RREB1: variants seen among roughly 807,000 people sequenced by gnomAD.
The protein encoded by RREB1 is ras-responsive element-binding protein 1.
Under a neutral mutation model 117.8 loss-of-function variants are expected in RREB1, and 27 were observed. That is an observed-to-expected ratio of 0.23 (90% CI 0.17 to 0.32). The LOEUF is 0.32. Ranked by LOEUF, RREB1 falls within the 10% of genes least tolerant of loss-of-function variation. The pLI is 1.00. For missense variants in RREB1, 2,577 were observed against 2,378.2 expected (o/e 1.08, Z -1.74); for synonymous variants, 1,298 against 1,026.7 (o/e 1.26, Z -5.05).
chr6:7,222,267 T>C (rs1458987390), intron 8 of RREB1, among the ~76,000 whole-genome samples: 2 of 152,240 alleles, frequency 1.3e-5, no homozygotes, highest in Non-Finnish European at 2.9e-5. Flanking sequence ...TTCTAGTTAT[T>C]CTGATTTCAG....
At chr6:7,187,176 C>CTG (rs1765127396) in intron 4 of RREB1, among the ~76,000 whole-genome samples, 1 of 152,224 alleles carries the variant, frequency 6.6e-6, no homozygotes, top group Non-Finnish European at 1.5e-5. Flanking sequence ...GATCCCAGCA[C>CTG]TGTTCTAGTG....
At chr6:7,187,708 T>C in intron 5 of RREB1, 185 bp downstream of exon 5, 1 of 304,240 alleles carries the variant, frequency 3.3e-6, no homozygotes, top group Non-Finnish European at 5.8e-6. Flanking sequence ...ATCTAAATTA[T>C]TCTTCCTTAA....
In RREB1 at chr6:7,189,280, C is replaced by T; in HGVS notation, c.383C>T (p.Thr128Ile). The change falls in exon 6 of 13, where the codon ACT (threonine) becomes ATT (isoleucine). Residue 128 changes from threonine to isoleucine, a missense_variant. Thr to Ile is a moderately conservative substitution (Grantham distance 89). Coordinates refer to ENST00000379938, the MANE Select transcript of RREB1 (RefSeq NM_001003699.4). ...VHSGERPYKC[T>I]VCGQSFTTNG... ...TCTGGCGAGAGGCCTTACAAGTGCA[C>T]TGTGTGTGGCCAGTCATTTACCACC... is the stretch of plus-strand genomic sequence containing the variant. 1 of 1,603,104 alleles carries T rather than the reference C, an allele frequency of 6.2e-7. No individual in the cohort carries two copies. The highest frequency in any genetic ancestry group is 8.5e-7 in the Non-Finnish European group (1 of 1,174,252).
chr6:7,175,375 G>C (rs546344986), intron 1 of RREB1, among the ~76,000 whole-genome samples: 2 of 151,896 alleles, frequency 1.3e-5, no homozygotes, highest in African/African-American at 2.4e-5. Context: ...GGTGGGATGG[G>C]GGGGGTATAA....
At chr6:7,131,682 C>T (rs577731780) in intron 1 of RREB1, among the ~76,000 whole-genome samples, 1 of 152,234 alleles carries the variant, frequency 6.6e-6, no homozygotes, top group Non-Finnish European at 1.5e-5. Context: ...GATAGCTTCT[C>T]GAACTCCTGG....
intron 1 of RREB1, among the ~76,000 whole-genome samples, chr6:7,173,744 C>G (rs968958068): frequency 6.6e-6 from 1 of 151,148 alleles, no homozygotes; most frequent in Non-Finnish European, 1.5e-5. Flanking sequence ...TCGCCTGAAC[C>G]AGGGAGGCAG....
chr6:7,248,032 A>G lies in RREB1; in HGVS notation c.4772-479A>G, dbSNP rs139810326. Among the ~76,000 whole-genome samples, 454 of 152,314 alleles carry G rather than the reference A, an allele frequency of 3.0e-3. 1 individual carries two copies. Among genetic ancestry groups the G allele is most frequent in the African/African-American group, 9.6e-3 (399 of 41,558 alleles). On this transcript the variant is annotated intron_variant, in intron 12 of 12. Coordinates refer to ENST00000379938, the MANE Select transcript of RREB1 (RefSeq NM_001003699.4). ...AGAAGAGGGATATTCTTGGGCTCCC[A>G]ACAAGCGTGGTGGGCCCTGCCCTGG...
At chr6:7,223,383 G>A (rs1767383438) in intron 8 of RREB1, among the ~76,000 whole-genome samples, 1 of 151,446 alleles carries the variant, frequency 6.6e-6, no homozygotes, top group East Asian at 1.9e-4. Flanking sequence ...CCAACATGGA[G>A]AAACCCCGTC....
At chr6:7,174,151 C>CTTTTTT (rs59106767) in intron 1 of RREB1, among the ~76,000 whole-genome samples, 44 of 131,056 alleles carry the variant, frequency 3.4e-4, no homozygotes, top group African/African-American at 1.1e-3. Context: ...CTAGTCTTTC[C>CTTTTTT]TTTTTTTTTT....
In RREB1 at chr6:7,230,760, G is replaced by C; in HGVS notation, c.2661G>C (p.Glu887Asp). ...PPPPHVSIKL[E>D]PASSFAVDFN... is the part of the protein sequence containing the mutation. ...CTCCCCATGTCTCGATCAAGTTGGA[G>C]CCCGCCAGTAGCTTTGCGGTGGACT... Residue 887 changes from glutamate to aspartate, a missense_variant, in exon 10 of 13, where the codon GAG becomes GAC. Transcript: ENST00000379938. 6.2e-7 allele frequency: 1 copy of C among 1,611,188 alleles called. No homozygotes were observed. The highest frequency in any genetic ancestry group is 1.3e-5 in the African/African-American group (1 of 75,006).
At chr6:7,156,499 C>T (rs924851453) in intron 1 of RREB1, among the ~76,000 whole-genome samples, 5 of 152,210 alleles carry the variant, frequency 3.3e-5, no homozygotes, top group Non-Finnish European at 5.9e-5. Flanking sequence ...TCCCTTGTGG[C>T]TCTCCCAGCC....
chr6:7,110,714 T>C (rs2113273205), intron 1 of RREB1, among the ~76,000 whole-genome samples: 1 of 152,376 alleles, frequency 6.6e-6, no homozygotes, highest in East Asian at 1.9e-4. Flanking sequence ...TTGTGCTCCA[T>C]TTTAGGTTAA....
rs1402080276 is a variant in RREB1, at chr6:7,249,085, G to C, written c.*117G>C. On this transcript the variant is annotated 3_prime_UTR_variant, in exon 13 of 13. Transcript: ENST00000379938. ...AGTGAGAGAGAGAGAGAGAGAGAGAGAGAGAGAGAGAGAGAGAGACAAGCA... is the reference window on the plus strand; with the variant it reads ...AGTGAGAGAGAGAGAGAGAGAGAGACAGAGAGAGAGAGAGAGAGACAAGCA... The C allele has an allele frequency of 1.3e-6, 1 of 793,100 alleles. No individual in the cohort carries two copies. Among genetic ancestry groups the C allele is most frequent in the Non-Finnish European group, 1.9e-6 (1 of 519,044 alleles). 49.1% of individuals were successfully genotyped at this position (793,100 alleles called of 1,614,324 possible). A position where few individuals can be genotyped will look rare whatever the true frequency, so the allele number is the denominator to read the frequency against.
intron 1 of RREB1, among the ~76,000 whole-genome samples, chr6:7,156,519 A>G (rs956850514): frequency 6.6e-6 from 1 of 152,198 alleles, no homozygotes; most frequent in African/African-American, 2.4e-5. Context: ...CACCTTCCGC[A>G]CTGAGCCACA....
Position 7,246,666 on chromosome 6 carries a change from G to A in RREB1, c.4216G>A (p.Ala1406Thr), listed in dbSNP as rs1487669452. 5.1e-6 allele frequency: 8 copies of A among 1,580,418 alleles called. No homozygotes were observed. The highest frequency in any genetic ancestry group is 4.6e-5 in the South Asian group (4 of 86,316). ...TEESTGDADG[A>T]EEDASSNQSL... is the part of the protein sequence containing the mutation. ...GGAGAGCACTGGGGACGCCGACGGC[G>A]CGGAAGAGGACGCGTCGAGCAACCA... is the stretch of plus-strand genomic sequence containing the variant. The change falls in exon 12 of 13, where the codon GCG (alanine) becomes ACG (threonine). Residue 1406 changes from alanine to threonine, a missense_variant. Physicochemically the swap from Ala to Thr is moderately conservative, Grantham distance 58 (BLOSUM62 0). Transcript: ENST00000379938.
At chr6:7,150,032 G>A (rs1763047541) in intron 1 of RREB1, among the ~76,000 whole-genome samples, 1 of 147,750 alleles carries the variant, frequency 6.8e-6, no homozygotes, top group Non-Finnish European at 1.5e-5. Context: ...AAGGTTATTT[G>A]CTAATTTTAT....
chr6:7,248,417 A>G (rs1769236999), intron 12 of RREB1, 94 bp from the exon 13 acceptor site: 1 of 1,118,682 alleles, frequency 8.9e-7, no homozygotes, highest in African/African-American at 1.5e-5. Context: ...CCCCCCGCAC[A>G]TAGCCTGGGA....
intron 1 of RREB1, among the ~76,000 whole-genome samples, chr6:7,124,253 T>C (rs368362121): frequency 1.2e-4 from 19 of 152,302 alleles, no homozygotes; most frequent in East Asian, 9.6e-4. Flanking sequence ...GTAGATGCTG[T>C]GTGGTCATGT....
rs139799223 is a variant in RREB1 at position 7,229,167 on chromosome 6, C to T, written c.1068C>T (p.Asp356=). ...EKPQATPLPG[D]ALDQKGFLAL... is the part of the protein sequence containing the mutation. Reference sequence around the variant, plus strand: ...CGCAGGCCACGCCCCTGCCTGGTGACGCCCTGGACCAGAAGGGCTTCCTGG... The same window carrying T: ...CGCAGGCCACGCCCCTGCCTGGTGATGCCCTGGACCAGAAGGGCTTCCTGG... Residue 356 remains aspartate, a synonymous_variant, in exon 10 of 13, where the codon GAC becomes GAT. Transcript: ENST00000379938. The surrounding 1 kb of genome is among the most constrained non-coding windows in gnomAD (Gnocchi z 4.5). 3.2e-4 allele frequency: 508 copies of T among 1,609,806 alleles called. 2 individuals are homozygous for T. The highest frequency in any genetic ancestry group is 2.2e-3 in the Middle Eastern group (13 of 6,038).
Sources: allele counts gnomAD v4.1 joint callset (sites outside exome capture counted in the v4.1 genomes callset), GRCh38; gene constraint gnomAD v4.1.1; non-coding constraint Gnocchi (gnomAD v3.1); transcripts MANE v1.5; gene names NCBI Gene and HGNC (gene_info 2026-07-23, HGNC 2026-07-21).